Variants in CSMD1 observed in about 807,000 individuals in gnomAD.
CSMD1 encodes CUB and Sushi multiple domains 1.
Under a neutral mutation model 417.5 loss-of-function variants are expected in CSMD1, and 213 were observed. The ratio of observed to expected loss-of-function variants is 0.51; its 90% CI spans 0.46 to 0.57. The LOEUF (loss-of-function observed/expected upper bound fraction) is 0.57, where lower values mean the gene tolerates loss of function less well. Among genes scored for constraint, CSMD1 ranks in the 20% least tolerant of loss-of-function variants. CSMD1 has a pLI of 0.00. For synonymous variants in CSMD1, 2,862 were observed against 1,736.8 expected, an observed-to-expected ratio of 1.65 and a Z score of -16.11; for missense variants, 6,923 against 4,529.7, an observed-to-expected ratio of 1.53 and a Z score of -15.17.
intron 2 of CSMD1, among the ~76,000 whole-genome samples, chr8:4,442,184 C>G (rs1388699412): frequency 6.6e-6 from 1 of 152,166 alleles, no homozygotes; most frequent in South Asian, 2.1e-4. Context: ...GGCAAAGTGA[C>G]AATCTCCTGA....
intron 10 of CSMD1, among the ~76,000 whole-genome samples, chr8:3,498,732 G>T (rs545086137): frequency 1.3e-5 from 2 of 152,114 alleles, no homozygotes; most frequent in South Asian, 4.2e-4. Context: ...CGAAAATCCT[G>T]TCTCCAGGTT....
chr8:3,351,263 A>G (rs971163278), intron 21 of CSMD1, among the ~76,000 whole-genome samples: 1 of 152,162 alleles, frequency 6.6e-6, no homozygotes, highest in Non-Finnish European at 1.5e-5. Flanking sequence ...CACAGGATTC[A>G]AAAGATAGTC....
At chr8:3,987,698 C>T (rs377672618) in intron 5 of CSMD1, among the ~76,000 whole-genome samples, 1 of 152,144 alleles carries the variant, frequency 6.6e-6, no homozygotes, top group Non-Finnish European at 1.5e-5. Context: ...AAACAGGAAA[C>T]TGCAAGGTGG....
intron 5 of CSMD1, among the ~76,000 whole-genome samples, chr8:3,923,860 C>G (rs944784000): frequency 6.6e-6 from 1 of 152,142 alleles, no homozygotes; most frequent in Admixed American, 6.6e-5. Flanking sequence ...TGAAATCATG[C>G]AGTATTTGTC....
intron 3 of CSMD1, among the ~76,000 whole-genome samples, chr8:4,305,745 G>A (rs755520228): frequency 5.9e-5 from 9 of 152,124 alleles, no homozygotes; most frequent in Non-Finnish European, 1.2e-4. Context: ...CACACCAGCC[G>A]TAGACACTAC....
At chr8:3,782,476 C>G (rs1799234323) in intron 5 of CSMD1, among the ~76,000 whole-genome samples, 1 of 152,070 alleles carries the variant, frequency 6.6e-6, no homozygotes, top group African/African-American at 2.4e-5. Context: ...TATAGATAAT[C>G]TAATAAAATC....
intron 10 of CSMD1, among the ~76,000 whole-genome samples, chr8:3,563,864 A>G (rs911946510): frequency 2.0e-5 from 3 of 152,154 alleles, no homozygotes; most frequent in African/African-American, 4.8e-5. Context: ...ACTCCAGCCT[A>G]GGTGACAGAA....
At chr8:4,773,632 G>T (rs182606978) in intron 1 of CSMD1, among the ~76,000 whole-genome samples, 1 of 152,058 alleles carries the variant, frequency 6.6e-6, no homozygotes, top group Non-Finnish European at 1.5e-5. Context: ...ATCTCCTTTT[G>T]GGTTATTGAA....
chr8:3,007,154 C>A (rs1372053673), intron 52 of CSMD1, among the ~76,000 whole-genome samples: 1 of 149,678 alleles, frequency 6.7e-6, no homozygotes, highest in Non-Finnish European at 1.5e-5. Flanking sequence ...ATTTATGCAG[C>A]CAAAAGACAC....
chr8:4,703,946 C>T (rs1036289105), intron 1 of CSMD1, among the ~76,000 whole-genome samples: 3 of 152,138 alleles, frequency 2.0e-5, no homozygotes, highest in Admixed American at 6.6e-5. Flanking sequence ...AAGTAGCACA[C>T]AACCTAGATC....
At chr8:4,680,393 A>G (rs1341421515) in intron 1 of CSMD1, among the ~76,000 whole-genome samples, 1 of 152,154 alleles carries the variant, frequency 6.6e-6, no homozygotes, top group Non-Finnish European at 1.5e-5. Context: ...ATACAAGTGC[A>G]CTTTCTGGTG....
intron 2 of CSMD1, among the ~76,000 whole-genome samples, chr8:4,549,183 T>C (rs1263090268): frequency 6.6e-6 from 1 of 152,182 alleles, no homozygotes; most frequent in Admixed American, 6.5e-5. Context: ...TCCTCTCAGC[T>C]GACTTGATTT....
In CSMD1 at chr8:3,347,986, T is replaced by C; in HGVS notation, c.3474+6A>G. On this transcript the variant is annotated splice_donor_region_variant and intron_variant, in intron 22 of 69. Coordinates refer to ENST00000635120, the MANE Select transcript of CSMD1 (RefSeq NM_033225.6). Reference sequence around the variant, plus strand: ...GAGTCATCATGTTGGAGAAGATTCTTTTTACCTTTAGAGTATCTCCTTCAA... The same window carrying C: ...GAGTCATCATGTTGGAGAAGATTCTCTTTACCTTTAGAGTATCTCCTTCAA... 1 of 1,559,404 alleles carries C rather than the reference T, an allele frequency of 6.4e-7. No homozygotes were observed. The highest frequency in any genetic ancestry group is 8.6e-7 in the Non-Finnish European group (1 of 1,156,834).
At chr8:4,132,768 C>T (rs1453125997) in intron 3 of CSMD1, among the ~76,000 whole-genome samples, 1 of 152,060 alleles carries the variant, frequency 6.6e-6, no homozygotes. Context: ...TCTCTACAAT[C>T]CGTTTAAAAA....
intron 1 of CSMD1, among the ~76,000 whole-genome samples, chr8:4,816,155 T>A (rs1795677585): frequency 6.6e-6 from 1 of 151,904 alleles, no homozygotes; most frequent in Admixed American, 6.6e-5. Context: ...TTTGCATGCT[T>A]TGGCTCAGGT....
intron 6 of CSMD1, among the ~76,000 whole-genome samples, chr8:3,733,828 A>C (rs991833532): frequency 6.6e-6 from 1 of 152,242 alleles, no homozygotes; most frequent in East Asian, 1.9e-4. Flanking sequence ...CTTTATTATT[A>C]GTTATTGTTT....
At chr8:4,919,284 T>C (rs973341968) in intron 1 of CSMD1, among the ~76,000 whole-genome samples, 2 of 152,188 alleles carry the variant, frequency 1.3e-5, no homozygotes, top group African/African-American at 4.8e-5. Flanking sequence ...TTCTGTCAAT[T>C]AGAGTATATT....
At chr8:3,947,125 C>T (rs1563241503) in intron 5 of CSMD1, among the ~76,000 whole-genome samples, 1 of 152,136 alleles carries the variant, frequency 6.6e-6, no homozygotes, top group African/African-American at 2.4e-5. Context: ...GGAATTGATT[C>T]AGTCTTTCAT....
chr8:4,127,883 G>A (rs1802859759), intron 3 of CSMD1, among the ~76,000 whole-genome samples: 1 of 152,068 alleles, frequency 6.6e-6, no homozygotes, highest in Non-Finnish European at 1.5e-5. Context: ...GCCAGCAAAT[G>A]GTGAAGGCAG....
Sources: gnomAD v4.1 joint callset for allele counts (sites outside exome capture counted in the v4.1 genomes callset) on GRCh38, gnomAD v4.1.1 for gene constraint, MANE v1.5 for transcripts, NCBI Gene and HGNC (gene_info 2026-07-23, HGNC 2026-07-21) for gene names.